Variants in DOCK4 observed in about 807,000 individuals in gnomAD.
The protein encoded by DOCK4 is dedicator of cytokinesis 4.
Under a neutral mutation model 268.1 loss-of-function variants are expected in DOCK4, and 97 were observed. That is an observed-to-expected ratio of 0.36 (90% CI 0.31 to 0.43). The LOEUF is 0.43. Among genes scored for constraint, DOCK4 ranks in the 20% least tolerant of loss-of-function variants. The probability of loss-of-function intolerance (pLI) is 1.00; values close to 1 mark genes in which losing one functional copy is unlikely to be tolerated. For missense variants in DOCK4, 2,145 were observed against 2,455.7 expected (o/e 0.87, Z 2.67); for synonymous variants, 954 against 887.2 (o/e 1.08, Z -1.34).
At chr7:112,067,815 A>G (rs187709453) in intron 1 of DOCK4, among the ~76,000 whole-genome samples, 13 of 152,334 alleles carry the variant, frequency 8.5e-5, no homozygotes, top group Non-Finnish European at 1.5e-4. Flanking sequence ...TGCTTACCAC[A>G]TTACTGCCAT....
intron 1 of DOCK4, among the ~76,000 whole-genome samples, chr7:112,096,025 G>C (rs1207058362): frequency 6.6e-6 from 1 of 152,164 alleles, no homozygotes; most frequent in African/African-American, 2.4e-5. Context: ...GGAAGCAGAG[G>C]CTGCGGTGTG....
At chr7:112,106,406 A>G (rs1404911190) in intron 1 of DOCK4, among the ~76,000 whole-genome samples, 1 of 152,182 alleles carries the variant, frequency 6.6e-6, no homozygotes, top group Non-Finnish European at 1.5e-5. Context: ...ATGCATATAC[A>G]CACAGAGGTG....
intron 13 of DOCK4, among the ~76,000 whole-genome samples, chr7:111,908,706 C>A (rs961592759): frequency 6.6e-6 from 1 of 151,952 alleles, no homozygotes; most frequent in South Asian, 2.1e-4. Context: ...CCTTGCCCCC[C>A]ACCGCCCCCA....
chr7:111,802,253 A>G (rs923537816), intron 30 of DOCK4, among the ~76,000 whole-genome samples: 1 of 152,026 alleles, frequency 6.6e-6, no homozygotes, highest in Non-Finnish European at 1.5e-5. Context: ...GAGTGGGGGG[A>G]AAGACAAAAG....
chr7:111,778,144 T>C (rs1464042377), intron 36 of DOCK4, 132 bp downstream of exon 36: 14 of 592,836 alleles, frequency 2.4e-5, no homozygotes, highest in Non-Finnish European at 3.5e-5. Context: ...GAAATATATA[T>C]CCAATTAAAA....
intron 7 of DOCK4, among the ~76,000 whole-genome samples, chr7:111,980,796 T>C (rs1798551140): frequency 1.3e-5 from 2 of 152,242 alleles, no homozygotes; most frequent in African/African-American, 4.8e-5. Context: ...CTCTGAGATC[T>C]GCTAGTCTAA....
chr7:112,199,937 T>C (rs1018075678), intron 1 of DOCK4, among the ~76,000 whole-genome samples: 2 of 152,186 alleles, frequency 1.3e-5, no homozygotes, highest in Non-Finnish European at 2.9e-5. Context: ...CCATCTTTAA[T>C]AAGAAATACT....
intron 42 of DOCK4, among the ~76,000 whole-genome samples, chr7:111,755,105 T>C (rs1289646320): frequency 2.6e-5 from 4 of 152,156 alleles, no homozygotes; most frequent in Non-Finnish European, 4.4e-5. Flanking sequence ...TTGTCAAAAA[T>C]TGCAAAAACA....
intron 11 of DOCK4, among the ~76,000 whole-genome samples, chr7:111,937,647 AG>A (rs1562912179): frequency 6.6e-6 from 1 of 152,194 alleles, no homozygotes; most frequent in African/African-American, 2.4e-5. Context: ...AAATGATGAG[AG>A]TGTGTTTGTG....
At chr7:111,941,181 G>A (rs1390187445) in intron 10 of DOCK4, among the ~76,000 whole-genome samples, 1 of 152,128 alleles carries the variant, frequency 6.6e-6, no homozygotes, top group Non-Finnish European at 1.5e-5. Context: ...TTATCAGTTA[G>A]AATCAAACTA....
Position 111,852,923 on chromosome 7 carries a change from T to C in DOCK4, c.2474-5797A>G, listed in dbSNP as rs149231348. 3.6e-4 allele frequency among the ~76,000 whole-genome samples: 55 copies of C among 152,322 alleles called. 1 individual carries two copies. Among genetic ancestry groups the C allele is most frequent in the Non-Finnish European group, 5.0e-4 (34 of 68,034 alleles). On this transcript the variant is annotated intron_variant, in intron 23 of 52. Coordinates refer to ENST00000428084, the MANE Select transcript of DOCK4 (RefSeq NM_001363540.2). ...AAGTTGAACATTCACTAACTTTCCA[T>C]GCATTTAACAACAGAATCTGCCGTG...
At chr7:112,115,652 C>CCATCCATCCATCCAT (rs58821451) in intron 1 of DOCK4, among the ~76,000 whole-genome samples, 8 of 149,920 alleles carry the variant, frequency 5.3e-5, no homozygotes, top group Non-Finnish European at 7.5e-5. Flanking sequence ...CATCCATCCA[C>CCATCCATCCATCCAT]CCATCCATCC....
chr7:111,825,337 T>C (rs1802310079), intron 26 of DOCK4, among the ~76,000 whole-genome samples: 2 of 152,218 alleles, frequency 1.3e-5, no homozygotes, highest in Non-Finnish European at 2.9e-5. Flanking sequence ...TCAGTTCCAA[T>C]ACTCGAAAGC....
At chr7:112,190,515 G>T (rs894372699) in intron 1 of DOCK4, among the ~76,000 whole-genome samples, 2 of 152,158 alleles carry the variant, frequency 1.3e-5, no homozygotes, top group African/African-American at 4.8e-5. Flanking sequence ...CAGTCCTCAA[G>T]TAGCCTGGCA....
intron 1 of DOCK4, 37 bp downstream of exon 1, chr7:112,206,065 C>T (rs866507852): frequency 1.3e-6 from 2 of 1,561,078 alleles, no homozygotes; most frequent in Non-Finnish European, 1.7e-6. Flanking sequence ...CTCGCTCGGG[C>T]CAGAGCAGAA....
At chr7:112,114,080 C>T (rs1811912155) in intron 1 of DOCK4, among the ~76,000 whole-genome samples, 1 of 152,068 alleles carries the variant, frequency 6.6e-6, no homozygotes, top group Admixed American at 6.5e-5. Context: ...GCTTTTCTTC[C>T]AACCATCCCC....
At chr7:112,037,564 T>C (rs1178865092) in intron 1 of DOCK4, among the ~76,000 whole-genome samples, 2 of 152,246 alleles carry the variant, frequency 1.3e-5, no homozygotes, top group African/African-American at 4.8e-5. Flanking sequence ...GATACTCTAT[T>C]ATGCCTGCCT....
chr7:112,149,506 G>C (rs55925665), intron 1 of DOCK4, among the ~76,000 whole-genome samples: 81 of 151,010 alleles, frequency 5.4e-4, no homozygotes, highest in Non-Finnish European at 9.0e-4. Flanking sequence ...GACTTATAAA[G>C]AGGTTTAAAA....
In DOCK4 at chr7:111,837,943, G is replaced by A. The variant is rs6944187; in HGVS notation, c.2737-3257C>T. 6.1e-3 allele frequency among the ~76,000 whole-genome samples: 930 copies of A among 151,844 alleles called. 9 individuals are homozygous for A. The highest frequency in any genetic ancestry group is 0.022 in the African/African-American group (894 of 41,382). Reference sequence around the variant, plus strand: ...CTCTACTAAAAATACAAAATTAGCCGGGTGTAGTGGCACAAGCCTGTAATC... The same window carrying A: ...CTCTACTAAAAATACAAAATTAGCCAGGTGTAGTGGCACAAGCCTGTAATC... On this transcript the variant is annotated intron_variant, in intron 25 of 52. Coordinates refer to ENST00000428084, the MANE Select transcript of DOCK4 (RefSeq NM_001363540.2).
Sources: allele counts gnomAD v4.1 joint callset (sites outside exome capture counted in the v4.1 genomes callset), GRCh38; gene constraint gnomAD v4.1.1; transcripts MANE v1.5; gene names NCBI Gene and HGNC (gene_info 2026-07-23, HGNC 2026-07-21).